Variants in ANK3 observed in about 807,000 individuals in gnomAD.
ANK3 encodes the protein ankyrin-3.
In ANK3, 57 loss-of-function variants were observed where a neutral mutation model predicts 370.9. The observed-to-expected ratio is 0.15, with a 90% CI of 0.12 to 0.19. ANK3 has a LOEUF of 0.19. Among genes scored for constraint, ANK3 ranks in the 10% least tolerant of loss-of-function variants. ANK3 has a pLI of 1.00. For missense variants in ANK3, 4,439 were observed against 5,302.1 expected (o/e 0.84, Z 5.06); for synonymous variants, 1,929 against 1,946.3 (o/e 0.99, Z 0.23).
At position 60,208,029 on chromosome 10, in the gene ANK3, C is replaced by T; in HGVS notation, c.1194+7G>A. On this transcript the variant is annotated splice_region_variant and intron_variant, in intron 10 of 43. Transcript: ENST00000280772. ...CTGAGGCTGGACTCGCTGGTTGAGC[C>T]ACTCACCAGGGCTTTGGCATTGGGG... The T allele has an allele frequency of 4.3e-6, 7 of 1,612,660 alleles. No homozygotes were observed. The highest frequency in any genetic ancestry group is 5.9e-6 in the Non-Finnish European group (7 of 1,179,388).
At chr10:60,360,396 T>C (rs1209961221) in intron 1 of ANK3, among the ~76,000 whole-genome samples, 1 of 152,204 alleles carries the variant, frequency 6.6e-6, no homozygotes, top group Non-Finnish European at 1.5e-5. Context: ...TTTCTTACTA[T>C]GTGAAGAGAA....
At chr10:60,277,454 C>A (rs2098107957) in intron 4 of ANK3, among the ~76,000 whole-genome samples, 1 of 152,100 alleles carries the variant, frequency 6.6e-6, no homozygotes, top group African/African-American at 2.4e-5. Context: ...AAGACTAAAC[C>A]AAGTGTTATT....
chr10:60,181,437 A>T lies in ANK3; in HGVS notation c.2086-10T>A. 6.2e-7 allele frequency: 1 copy of T among 1,612,590 alleles called. No individual in the cohort carries two copies. The highest frequency in any genetic ancestry group is 8.5e-7 in the Non-Finnish European group (1 of 1,178,528). On this transcript the variant is annotated splice_polypyrimidine_tract_variant and intron_variant, in intron 17 of 43. Transcript: ENST00000280772. ...GTGGGGTCAGGCCGCTCTGCAAAAG[A>T]TTCAAAGGGCACAGTCATCGTACAG...
intron 1 of ANK3, among the ~76,000 whole-genome samples, chr10:60,340,272 C>T (rs1019642520): frequency 8.5e-5 from 13 of 152,166 alleles, no homozygotes; most frequent in Non-Finnish European, 1.8e-4. Flanking sequence ...ACTGAATTAT[C>T]CAGAGTACTG....
At chr10:60,209,790 A>G (rs1162476475) in intron 9 of ANK3, among the ~76,000 whole-genome samples, 1 of 152,222 alleles carries the variant, frequency 6.6e-6, no homozygotes, top group Non-Finnish European at 1.5e-5. Flanking sequence ...ACAAGTGAAC[A>G]AACAAAAAAA....
intron 1 of ANK3, among the ~76,000 whole-genome samples, chr10:60,347,179 A>G (rs1048445315): frequency 1.3e-5 from 2 of 151,692 alleles, no homozygotes; most frequent in African/African-American, 4.8e-5. Flanking sequence ...GTCTTCAAAT[A>G]TAACAATTTA....
At chr10:60,099,210 C>T (rs1460675577) in intron 28 of ANK3, among the ~76,000 whole-genome samples, 6 of 152,084 alleles carry the variant, frequency 3.9e-5, no homozygotes, top group African/African-American at 1.2e-4. Flanking sequence ...TTTTCTCTCT[C>T]TTGGGTATGG....
At position 60,427,877 on chromosome 10, in the gene ANK3, G is replaced by C. The variant is rs1173982010; in HGVS notation, c.97-148238C>G. On this transcript the variant is annotated intron_variant, in intron 2 of 43. Transcript: ENST00000373827. ...TTTTCTGACAATGCACTGAACAGAT[G>C]AGATTACTCAAGTATCTGAGAAGGA... 2.6e-5 allele frequency among the ~76,000 whole-genome samples: 4 copies of C among 152,126 alleles called. No individual in the cohort carries two copies. In the East Asian group the frequency reaches 5.8e-4, roughly 22 times the overall value.
At chr10:60,619,511 G>T (rs1041279675) in intron 1 of ANK3, among the ~76,000 whole-genome samples, 7 of 152,122 alleles carry the variant, frequency 4.6e-5, no homozygotes, top group Non-Finnish European at 1.0e-4. Context: ...CATAGGCCAG[G>T]CCATATATTC....
intron 2 of ANK3, among the ~76,000 whole-genome samples, chr10:60,612,195 G>T (rs10994430): frequency 0.12 from 18,708 of 152,144 alleles, 1,588 homozygotes; most frequent in East Asian, 0.27. Flanking sequence ...CAGGGGCTGA[G>T]TGGGTGCCAA....
At chr10:60,134,487 AG>A in intron 24 of ANK3, 114 bp from the exon 25 acceptor site, 1 of 715,530 alleles carries the variant, frequency 1.4e-6, no homozygotes, top group Non-Finnish European at 2.2e-6. Context: ...TATCAACAAA[AG>A]TTGTTCTTGA....
intron 28 of ANK3, among the ~76,000 whole-genome samples, chr10:60,092,889 C>A (rs1405258651): frequency 1.3e-5 from 2 of 152,172 alleles, no homozygotes; most frequent in Non-Finnish European, 2.9e-5. Flanking sequence ...GCGTGTGCCA[C>A]CACGCCCAGC....
intron 1 of ANK3, among the ~76,000 whole-genome samples, chr10:60,693,838 G>C (rs1405213132): frequency 6.6e-6 from 1 of 152,192 alleles, no homozygotes; most frequent in African/African-American, 2.4e-5. Context: ...AAAATGCAGA[G>C]CACCTCTCCT....
At chr10:60,202,039 C>T (rs550239012) in intron 12 of ANK3, among the ~76,000 whole-genome samples, 3 of 150,086 alleles carry the variant, frequency 2.0e-5, no homozygotes, top group Admixed American at 1.3e-4. Context: ...GTATAAACGA[C>T]GATAGTATCT....
Position 60,472,650 on chromosome 10 carries a change from C to A in ANK3, c.96+142536G>T, listed in dbSNP as rs914340258. Among the ~76,000 whole-genome samples the A allele has an allele frequency of 3.3e-5, 5 of 152,192 alleles. No individual in the cohort carries two copies. The East Asian group carries it at 7.7e-4, about 24-fold the overall frequency. ...GAATTCTTTTCCTCTTAAAATAATT[C>A]ATGTATGTCTTAAGAAGCAACATTG... On this transcript the variant is annotated intron_variant, in intron 2 of 43. Transcript: ENST00000373827.
At chr10:60,436,168 C>T (rs2064153953) in intron 2 of ANK3, among the ~76,000 whole-genome samples, 1 of 152,164 alleles carries the variant, frequency 6.6e-6, no homozygotes, top group African/African-American at 2.4e-5. Context: ...CTTTTAACAG[C>T]TGAATAATAT....
intron 2 of ANK3, among the ~76,000 whole-genome samples, chr10:60,502,820 A>T (rs2075837512): frequency 1.5e-5 from 1 of 68,576 alleles, no homozygotes; most frequent in African/African-American, 5.3e-5. Flanking sequence ...AGAGAAGAAA[A>T]GAAAAGAAAG....
intron 17 of ANK3, among the ~76,000 whole-genome samples, chr10:60,183,218 C>T (rs1197657656): frequency 6.6e-6 from 1 of 152,198 alleles, no homozygotes; most frequent in African/African-American, 2.4e-5. Flanking sequence ...TATGTGCTCA[C>T]TTCTATTACA....
At chr10:60,419,982 T>G (rs1290923345) in intron 2 of ANK3, among the ~76,000 whole-genome samples, 1 of 152,112 alleles carries the variant, frequency 6.6e-6, no homozygotes, top group African/African-American at 2.4e-5. Flanking sequence ...AATTAGCCAA[T>G]GACCTCTCAC....
Sources: allele counts gnomAD v4.1 joint callset (sites outside exome capture counted in the v4.1 genomes callset), GRCh38; gene constraint gnomAD v4.1.1; transcripts MANE v1.5; gene names NCBI Gene and HGNC (gene_info 2026-07-23, HGNC 2026-07-21).